AXIN1: variants seen among roughly 807,000 people sequenced by gnomAD.
AXIN1 encodes axin-1.
AXIN1 carries 30 observed loss-of-function variants against 76.4 expected under a neutral mutation model. That is an observed-to-expected ratio of 0.39 (90% CI 0.29 to 0.53). AXIN1 has a LOEUF of 0.53. AXIN1 is among the 20% of genes least tolerant of loss of function. The probability of loss-of-function intolerance (pLI) is 0.66; values close to 1 mark genes in which losing one functional copy is unlikely to be tolerated. For synonymous variants in AXIN1, 545 were observed against 501.4 expected (o/e 1.09, Z -1.16); for missense variants, 1,140 against 1,198.8 (o/e 0.95, Z 0.72).
rs150155406 is a variant in AXIN1, at chr16:340,870, C to T, written c.878+5278G>A. On this transcript the variant is annotated intron_variant, in intron 2 of 10. Coordinates refer to ENST00000262320, the MANE Select transcript of AXIN1 (RefSeq NM_003502.4). Reference sequence around the variant, plus strand: ...CTTTCCTCAAATCAAGTATGTGAAACCACCACGCGGCTCACACACGGACCA... The same window carrying T: ...CTTTCCTCAAATCAAGTATGTGAAATCACCACGCGGCTCACACACGGACCA... Among the ~76,000 whole-genome samples, 723 of 152,354 alleles carry T rather than the reference C, an allele frequency of 4.7e-3. 7 individuals are homozygous for T. Among genetic ancestry groups the T allele is most frequent in the Non-Finnish European group, 6.3e-3 (430 of 68,034 alleles).
intron 2 of AXIN1, among the ~76,000 whole-genome samples, chr16:315,978 G>A (rs531439611): frequency 4.1e-4 from 63 of 152,166 alleles, no homozygotes; most frequent in Admixed American, 9.8e-4. Flanking sequence ...GCTTGAACCC[G>A]GGAGGCAGAG....
Position 297,840 on chromosome 16 carries a change from G to T in AXIN1, c.1666C>A (p.Arg556Ser), listed in dbSNP as rs769678275. The T allele has an allele frequency of 6.3e-7, 1 of 1,576,124 alleles. No individual in the cohort carries two copies. The change falls in exon 6 of 11, where the codon CGC becomes AGC. Residue 556 changes from arginine (R) to serine (S), a missense_variant. Arg to Ser is a moderately radical substitution (Grantham distance 110). Coordinates refer to ENST00000262320, the MANE Select transcript of AXIN1 (RefSeq NM_003502.4). The part of the protein sequence containing the change: ...PKEQVEAEAT[R>S]RAQSSFAWGL... ...CAGGCGAAGCTGCTCTGGGCCCTGCGGGTGGCCTCGGCCTCCACCTGCTCC... is the reference window on the plus strand; with the variant it reads ...CAGGCGAAGCTGCTCTGGGCCCTGCTGGTGGCCTCGGCCTCCACCTGCTCC...
chr16:329,455 T>C (rs931774681), intron 2 of AXIN1, among the ~76,000 whole-genome samples: 1 of 151,870 alleles, frequency 6.6e-6, no homozygotes, highest in Non-Finnish European at 1.5e-5. Context: ...CTTTCTTTTC[T>C]TTTTTTTGGA....
chr16:295,473 C>T (rs909543642), intron 7 of AXIN1, among the ~76,000 whole-genome samples: 1 of 151,750 alleles, frequency 6.6e-6, no homozygotes, highest in African/African-American at 2.4e-5. Flanking sequence ...GCTTTGAGTC[C>T]AGGAGGCTGA....
Position 291,249 on chromosome 16 carries a change from C to A in AXIN1, c.2235G>T (p.Ala745=), listed in dbSNP as rs771565657. 1 of 1,586,360 alleles carries A rather than the reference C, an allele frequency of 6.3e-7. No individual in the cohort carries two copies. The highest frequency in any genetic ancestry group is 8.6e-7 in the Non-Finnish European group (1 of 1,167,396). The change falls in exon 9 of 11, where the codon GCG becomes GCT. Residue 745 remains alanine (A), a synonymous_variant. Coordinates refer to ENST00000262320, the MANE Select transcript of AXIN1 (RefSeq NM_003502.4). The part of the protein sequence containing the change: ...MRRGRACVRP[A]CAPVLHVVPA... ...GTACCACGTGCAGCACCGGCGCGCA[C>A]GCTGGCCTGACGCAGGCGCGTCCCC...
In AXIN1 at chr16:324,708, A is replaced by G. The variant is rs576088568; in HGVS notation, c.879-10025T>C. 2.0e-5 allele frequency among the ~76,000 whole-genome samples: 3 copies of G among 152,360 alleles called. No homozygotes were observed. In the East Asian group the frequency reaches 5.8e-4, roughly 29 times the overall value. On this transcript the variant is annotated intron_variant, in intron 2 of 10. Transcript: ENST00000262320. ...ATACCAGGAGGAGGAGGGGCACCCC[A>G]GGTGAGCGGTCCAATCCTCAGACAC...
chr16:314,289 G>A (rs568555236), intron 3 of AXIN1, among the ~76,000 whole-genome samples: 11 of 152,266 alleles, frequency 7.2e-5, no homozygotes, highest in Non-Finnish European at 1.5e-4. Flanking sequence ...ATGTCCAGAC[G>A]CACTCTCACT....
At chr16:341,323 G>C (rs2141683985) in intron 2 of AXIN1, among the ~76,000 whole-genome samples, 1 of 152,386 alleles carries the variant, frequency 6.6e-6, no homozygotes, top group African/African-American at 2.4e-5. Flanking sequence ...TGGAGTCCCG[G>C]GTGGGCGTGG....
At chr16:299,632 G>T (rs1290251428) in intron 5 of AXIN1, among the ~76,000 whole-genome samples, 1 of 146,710 alleles carries the variant, frequency 6.8e-6, no homozygotes, top group Non-Finnish European at 1.5e-5. Flanking sequence ...TGGGATTACA[G>T]GAGTGAGCCA....
At chr16:289,406 T>A (rs1394488206) in intron 10 of AXIN1, 34 bp downstream of exon 10, 1 of 1,611,994 alleles carries the variant, frequency 6.2e-7, no homozygotes, top group African/African-American at 1.3e-5. Context: ...CACATACTCG[T>A]GCGGGGAGGG....
intron 10 of AXIN1, among the ~76,000 whole-genome samples, chr16:288,616 A>G (rs568325085): frequency 2.6e-4 from 39 of 152,318 alleles, no homozygotes; most frequent in Admixed American, 2.3e-3. Flanking sequence ...TCAGCACCAC[A>G]TCTGCAGTCA....
rs369153447 is a variant in AXIN1, at chr16:346,789, G to T, written c.237C>A (p.Thr79=). The change falls in exon 2 of 11, where the codon ACC becomes ACA. Residue 79 remains threonine (T), a synonymous_variant. Transcript: ENST00000262320. ...ACTCAGCCCACTTCAAGTATGGTGG[G>T]GTGGGGGAGGCACTGCCCTCAGGCT... The part of the protein sequence containing the change: ...GYEPEGSASP[T]PPYLKWAESL... 3.7e-6 allele frequency: 6 copies of T among 1,612,122 alleles called. No homozygotes were observed. Among genetic ancestry groups the T allele is most frequent in the Non-Finnish European group, 5.1e-6 (6 of 1,178,516 alleles).
intron 2 of AXIN1, among the ~76,000 whole-genome samples, chr16:318,017 G>A (rs425177): frequency 2.0e-5 from 3 of 152,206 alleles, no homozygotes. Flanking sequence ...TGTAGCCCAC[G>A]GCACTTGGTG....
chr16:347,943 G>C (rs2054066034), intron 1 of AXIN1, among the ~76,000 whole-genome samples: 1 of 152,212 alleles, frequency 6.6e-6, no homozygotes, highest in African/African-American at 2.4e-5. Flanking sequence ...AACAGAGAAG[G>C]TACAGAATAA....
Position 288,087 on chromosome 16 carries a change from G to C in AXIN1, c.*35C>G, listed in dbSNP as rs1317162790. 3.7e-6 allele frequency: 6 copies of C among 1,612,606 alleles called. No individual in the cohort carries two copies. The highest frequency in any genetic ancestry group is 2.2e-5 in the South Asian group (2 of 91,092). On this transcript the variant is annotated 3_prime_UTR_variant, in exon 11 of 11. Coordinates refer to ENST00000262320, the MANE Select transcript of AXIN1 (RefSeq NM_003502.4). ...GCCGTGACACCCGTGCCCGCCAAGG[G>C]CCTCGCCTGGCACAGCGGCCAGCCC...
chr16:287,904 A>AGGAGTG lies in AXIN1; in HGVS notation c.*212_*217dup. The stretch of plus-strand genomic sequence containing the variant: ...GCTGGGCCCTCCAAGTATTGCTATG[A>AGGAGTG]GGAGTGGTCCAGGCTGCCTCCTTGG... On this transcript the variant is annotated 3_prime_UTR_variant, in exon 11 of 11. Coordinates refer to ENST00000262320, the MANE Select transcript of AXIN1 (RefSeq NM_003502.4). The AGGAGTG allele has an allele frequency of 1.4e-6, 1 of 695,408 alleles. No homozygotes were observed. 43.1% of individuals were successfully genotyped at this position (695,408 alleles called of 1,614,324 possible). A position where few individuals can be genotyped will look rare whatever the true frequency, so the allele number is the denominator to read the frequency against.
In AXIN1 at chr16:320,817, A is replaced by ACAACCTCCGCCTCCTGGGTT. The variant is rs1304579812; in HGVS notation, c.879-6154_879-6135dup. Among the ~76,000 whole-genome samples the ACAACCTCCGCCTCCTGGGTT allele has an allele frequency of 2.8e-4, 41 of 145,198 alleles. No individual in the cohort carries two copies. In the South Asian group the frequency reaches 6.3e-3, roughly 22 times the overall value. ...TGCAGTGGCGCGATCTCGGCTCACT[A>ACAACCTCCGCCTCCTGGGTT]CAACCTCCGCCTCCTGGGTTCAATC... On this transcript the variant is annotated intron_variant, in intron 2 of 10. Transcript: ENST00000262320.
rs2052634520 is a variant in AXIN1 at position 293,787 on chromosome 16, C to T, written c.1956-69G>A. The T allele has an allele frequency of 2.0e-6, 3 of 1,490,604 alleles. No individual in the cohort carries two copies. In the Admixed American group the frequency reaches 5.0e-5, roughly 25 times the overall value. The allele number at this position is 1,490,604 out of a possible 1,614,324, so 92.3% of individuals were successfully genotyped here. On this transcript the variant is annotated intron_variant, in intron 7 of 10. Transcript: ENST00000262320. This position sits in a 1 kb window ranked among gnomAD's most constrained non-coding sequence, Gnocchi z 4.6. ...GGCCAGGTGGCCTGGTGGGGCTACA[C>T]TCATCTCACAAGGGCAGCCTCCTTG...
rs1407604542 is a variant in AXIN1 at position 299,354 on chromosome 16, G to C, written c.1255-1103C>G. ...GGGAACTAAGTTACCATGTATCTAT[G>C]TATGTATTTATTTATTTAGAGTCAG... is the stretch of plus-strand genomic sequence containing the variant. On this transcript the variant is annotated intron_variant, in intron 5 of 10. Transcript: ENST00000262320. 1.3e-5 allele frequency: 8 copies of C among 622,752 alleles called. No individual in the cohort carries two copies. The East Asian group carries it at 1.1e-3, about 86-fold the overall frequency. 38.6% of individuals were successfully genotyped at this position (622,752 alleles called of 1,614,324 possible).
Sources: gnomAD v4.1 joint callset for allele counts (sites outside exome capture counted in the v4.1 genomes callset) on GRCh38, gnomAD v4.1.1 for gene constraint, Gnocchi (gnomAD v3.1) non-coding constraint, MANE v1.5 for transcripts, NCBI Gene and HGNC (gene_info 2026-07-23, HGNC 2026-07-21) for gene names.